Variants in CAP2 observed in about 807,000 individuals in gnomAD.
CAP2 encodes the protein adenylyl cyclase-associated protein 2.
CAP2 carries 24 observed loss-of-function variants against 57.7 expected under a neutral mutation model. That is an observed-to-expected ratio of 0.42 (90% CI 0.30 to 0.58). The LOEUF (loss-of-function observed/expected upper bound fraction) is 0.58, where lower values mean the gene tolerates loss of function less well. CAP2 is among the 20% of genes least tolerant of loss of function. CAP2 has a pLI of 0.22. For synonymous variants in CAP2, 194 were observed against 207.2 expected, an observed-to-expected ratio of 0.94 and a Z score of 0.55; for missense variants, 501 against 590.3, an observed-to-expected ratio of 0.85 and a Z score of 1.57.
At chr6:17,444,188 G>C (rs1227898323) in intron 3 of CAP2, among the ~76,000 whole-genome samples, 1 of 152,174 alleles carries the variant, frequency 6.6e-6, no homozygotes, top group Non-Finnish European at 1.5e-5. Context: ...GTCTAGCACT[G>C]TGCCCATAAT....
intron 3 of CAP2, among the ~76,000 whole-genome samples, chr6:17,431,653 CTG>C (rs1759740597): frequency 6.6e-6 from 1 of 152,184 alleles, no homozygotes; most frequent in Non-Finnish European, 1.5e-5. Flanking sequence ...TGAGAAGTCT[CTG>C]TTCCTCTGAC....
At chr6:17,394,586 T>G (rs1288552362) in intron 1 of CAP2, among the ~76,000 whole-genome samples, 1 of 152,194 alleles carries the variant, frequency 6.6e-6, no homozygotes, top group Non-Finnish European at 1.5e-5. Flanking sequence ...GAACACTTGG[T>G]AAAAACATCT....
chr6:17,507,106 G>A, intron 4 of CAP2, 63 bp from the exon 5 acceptor site: 1 of 1,571,412 alleles, frequency 6.4e-7, no homozygotes, highest in Non-Finnish European at 8.8e-7. Flanking sequence ...GGCCAACATG[G>A]ATAGAGGTGC....
intron 1 of CAP2, among the ~76,000 whole-genome samples, chr6:17,394,135 C>A (rs1179765234): frequency 7.5e-5 from 11 of 147,592 alleles, no homozygotes; most frequent in African/African-American, 2.8e-4. Flanking sequence ...TTTGGGGGGT[C>A]TCGTCCACCG....
rs1464439004 is a variant in CAP2, at chr6:17,543,209, GAGCCTTTCCAACCACGCTGTAGTAAGC to G, written c.1209+88_1209+114del. The stretch of plus-strand genomic sequence containing the variant: ...CTTTCCAACCACGCTGTAATAAGCA[GAGCCTTTCCAACCACGCTGTAGTAAGC>G]AGCCTTTCCAACCACGCTGTAATAA... On this transcript the variant is annotated intron_variant, in intron 11 of 12. Coordinates refer to ENST00000229922, the MANE Select transcript of CAP2 (RefSeq NM_006366.3). 3.5e-4 allele frequency: 469 copies of G among 1,346,562 alleles called. 3 individuals carry two copies. In the East Asian group the frequency reaches 7.8e-3, roughly 22 times the overall value. 83.4% of individuals were successfully genotyped at this position (1,346,562 alleles called of 1,614,324 possible).
chr6:17,543,393 G>A (rs560421266), intron 11 of CAP2, among the ~76,000 whole-genome samples: 9 of 152,166 alleles, frequency 5.9e-5, no homozygotes, highest in African/African-American at 2.2e-4. Context: ...CGAGGTGGGC[G>A]GATCACGAGG....
intron 4 of CAP2, among the ~76,000 whole-genome samples, chr6:17,490,629 G>T (rs764593469): frequency 1.1e-4 from 17 of 152,202 alleles, no homozygotes; most frequent in Non-Finnish European, 2.2e-4. Flanking sequence ...TGCGGGCAGA[G>T]GTCCTGCCCA....
intron 1 of CAP2, among the ~76,000 whole-genome samples, chr6:17,420,112 C>A (rs1441261680): frequency 6.6e-6 from 1 of 152,100 alleles, no homozygotes; most frequent in Admixed American, 6.6e-5. Flanking sequence ...CTTCGTGATC[C>A]GCCTGCCTCA....
chr6:17,399,192 T>G (rs909302387), intron 1 of CAP2, among the ~76,000 whole-genome samples: 5 of 152,198 alleles, frequency 3.3e-5, no homozygotes, highest in Non-Finnish European at 5.9e-5. Flanking sequence ...GCCTTCCCAG[T>G]GCTGGGATTA....
intron 3 of CAP2, among the ~76,000 whole-genome samples, chr6:17,454,074 C>T (rs1022606504): frequency 2.6e-5 from 4 of 151,538 alleles, no homozygotes; most frequent in African/African-American, 7.3e-5. Context: ...CCATGCCTGG[C>T]TAATTTTTTA....
At chr6:17,446,041 G>GT (rs1260386206) in intron 3 of CAP2, among the ~76,000 whole-genome samples, 2 of 152,016 alleles carry the variant, frequency 1.3e-5, no homozygotes, top group African/African-American at 2.4e-5. Context: ...TCGTATTTCA[G>GT]TTTTTTTAAT....
In CAP2 at chr6:17,539,389, A is replaced by G. The variant is rs1219304977; in HGVS notation, c.757A>G (p.Lys253Glu). 1.2e-6 allele frequency: 2 copies of G among 1,614,052 alleles called. No homozygotes were observed. Among genetic ancestry groups the G allele is most frequent in the Non-Finnish European group, 1.7e-6 (2 of 1,180,040 alleles). The change falls in exon 8 of 13, where the codon AAA becomes GAA. Residue 253 changes from lysine to glutamate, a missense_variant. Coordinates refer to ENST00000229922, the MANE Select transcript of CAP2 (RefSeq NM_006366.3). ...PPPLFENEGK[K>E]EESSPSRSAL... ...TCCACTTTTCGAGAATGAAGGCAAA[A>G]AAGAGGAATCTTCTCCTTCACGCTC...
At chr6:17,443,419 G>C (rs913145163) in intron 3 of CAP2, among the ~76,000 whole-genome samples, 1 of 152,010 alleles carries the variant, frequency 6.6e-6, no homozygotes, top group Non-Finnish European at 1.5e-5. Context: ...GAAATTTGTT[G>C]TTGTTTTCTA....
chr6:17,475,250 A>G (rs551191289), intron 4 of CAP2, among the ~76,000 whole-genome samples: 3 of 152,080 alleles, frequency 2.0e-5, no homozygotes, highest in Admixed American at 2.0e-4. Flanking sequence ...GGTTCAGGGA[A>G]GGGAACTGAG....
intron 3 of CAP2, among the ~76,000 whole-genome samples, chr6:17,441,554 G>A (rs893879265): frequency 5.9e-5 from 9 of 151,604 alleles, no homozygotes; most frequent in Admixed American, 5.9e-4. Context: ...CAAGATCAAG[G>A]CTCACTGCAG....
At chr6:17,511,948 T>G (rs1412327556) in intron 6 of CAP2, among the ~76,000 whole-genome samples, 2 of 152,048 alleles carry the variant, frequency 1.3e-5, no homozygotes, top group African/African-American at 4.8e-5. Flanking sequence ...TAAAGACTGA[T>G]TTCAGGTAAA....
chr6:17,517,157 A>G (rs924444660), intron 7 of CAP2, among the ~76,000 whole-genome samples: 3 of 152,258 alleles, frequency 2.0e-5, no homozygotes, highest in African/African-American at 7.2e-5. Context: ...ATAGATCATT[A>G]TTAGAGAACA....
intron 1 of CAP2, among the ~76,000 whole-genome samples, chr6:17,396,506 T>A (rs1375889244): frequency 2.6e-5 from 4 of 152,226 alleles, no homozygotes; most frequent in Non-Finnish European, 5.9e-5. Flanking sequence ...ACAACATCGA[T>A]GAATCTTGAA....
chr6:17,521,239 C>T (rs1195688256), intron 7 of CAP2, among the ~76,000 whole-genome samples: 1 of 149,586 alleles, frequency 6.7e-6, no homozygotes, highest in Non-Finnish European at 1.5e-5. Context: ...ACGGTAAAAC[C>T]CTGTCTCTAC....
Sources: allele counts gnomAD v4.1 joint callset (sites outside exome capture counted in the v4.1 genomes callset), GRCh38; gene constraint gnomAD v4.1.1; transcripts MANE v1.5; gene names NCBI Gene and HGNC (gene_info 2026-07-23, HGNC 2026-07-21).